LRRIQ1: variants seen among roughly 807,000 people sequenced by gnomAD.
LRRIQ1 encodes leucine rich repeats and IQ motif containing 1.
LRRIQ1 carries 210 observed loss-of-function variants against 211.9 expected under a neutral mutation model. The observed-to-expected ratio is 0.99, with a 90% CI of 0.89 to 1.11. The LOEUF is 1.11. LRRIQ1 is among the 50% of genes most tolerant of loss of function. LRRIQ1 has a pLI of 0.00. For missense variants in LRRIQ1, 2,136 were observed against 1,939.5 expected (o/e 1.10, Z -1.90); for synonymous variants, 699 against 650.1 (o/e 1.08, Z -1.14).
chr12:85,118,462 T>A (rs2136401218), intron 15 of LRRIQ1, among the ~76,000 whole-genome samples: 1 of 150,784 alleles, frequency 6.6e-6, no homozygotes, highest in South Asian at 2.1e-4. Flanking sequence ...GAGTGGGGGT[T>A]GGGAGCTATT....
rs577157342 is a variant in LRRIQ1 at position 85,219,231 on chromosome 12, T to A, written c.4823-10286T>A. 4.6e-5 allele frequency among the ~76,000 whole-genome samples: 7 copies of A among 152,206 alleles called. No individual in the cohort carries two copies. In the South Asian group the frequency reaches 1.4e-3, roughly 32 times the overall value. ...CACAGTAAAGATATTAGTGAGGAAA[T>A]ACAGCCCAGCTGAACAATATACATG... On this transcript the variant is annotated intron_variant, in intron 24 of 26. Coordinates refer to ENST00000393217, the MANE Select transcript of LRRIQ1 (RefSeq NM_001079910.2).
At position 85,098,499 on chromosome 12, in the gene LRRIQ1, A is replaced by T; in HGVS notation, c.3032A>T (p.Asn1011Ile). 6.2e-7 allele frequency: 1 copy of T among 1,611,410 alleles called. No homozygotes were observed. The highest frequency in any genetic ancestry group is 1.1e-5 in the South Asian group (1 of 90,818). The change falls in exon 12 of 27, where the codon AAT (asparagine) becomes ATT (isoleucine). Residue 1011 changes from asparagine (N) to isoleucine (I), a missense_variant. Transcript: ENST00000393217. Reference sequence around the variant, plus strand: ...CTTACTGATGTAGAGGGCGTTGAAAATTGTGGATTGCTCCAAATATTGAAG... The same window carrying T: ...CTTACTGATGTAGAGGGCGTTGAAATTTGTGGATTGCTCCAAATATTGAAG... ...NHLTDVEGVENCGLLQILKLQ... is the reference protein window; with the variant it reads ...NHLTDVEGVEICGLLQILKLQ...
At chr12:85,149,947 A>G (rs944355320) in intron 19 of LRRIQ1, among the ~76,000 whole-genome samples, 2 of 151,702 alleles carry the variant, frequency 1.3e-5, no homozygotes, top group African/African-American at 4.8e-5. Flanking sequence ...TTTTATCCAG[A>G]CTTTATGTAG....
intron 18 of LRRIQ1, among the ~76,000 whole-genome samples, chr12:85,135,875 A>G (rs964378028): frequency 2.6e-5 from 4 of 151,932 alleles, no homozygotes; most frequent in African/African-American, 9.7e-5. Flanking sequence ...TTTAATGGAA[A>G]TGACATATAG....
Position 85,154,086 on chromosome 12 carries a change from A to G in LRRIQ1, c.4712A>G (p.Lys1571Arg). 2 of 1,559,478 alleles carry G rather than the reference A, an allele frequency of 1.3e-6. No individual in the cohort carries two copies. The highest frequency in any genetic ancestry group is 1.9e-4 in the Middle Eastern group (1 of 5,204). ...AQKMKSKKLK[K>R]KIDSTVRLAL... is the part of the protein sequence containing the mutation. Reference sequence around the variant, plus strand: ...AAAATGAAATCGAAGAAACTAAAGAAAAAAATAGGTGAGTAATTAGTGCTC... The same window carrying G: ...AAAATGAAATCGAAGAAACTAAAGAGAAAAATAGGTGAGTAATTAGTGCTC... Residue 1571 changes from lysine to arginine, a missense_variant, in exon 23 of 27, where the codon AAA becomes AGA. Transcript: ENST00000393217.
At chr12:85,236,065 G>T (rs994813611) in intron 26 of LRRIQ1, among the ~76,000 whole-genome samples, 1 of 152,074 alleles carries the variant, frequency 6.6e-6, no homozygotes, top group Non-Finnish European at 1.5e-5. Context: ...TTACTAAATG[G>T]CATTGAAAAA....
chr12:85,039,714 G>T (rs1165433591), intron 2 of LRRIQ1, among the ~76,000 whole-genome samples: 1 of 151,504 alleles, frequency 6.6e-6, no homozygotes, highest in Non-Finnish European at 1.5e-5. Flanking sequence ...ATAAAAGCAG[G>T]TGCATATCAT....
chr12:85,153,580 GACA>G, intron 21 of LRRIQ1, 80 bp from the exon 22 acceptor site: 1 of 838,184 alleles, frequency 1.2e-6, no homozygotes, highest in Non-Finnish European at 1.8e-6. Context: ...CCAAGTTTGA[GACA>G]ACATAAACAG....
chr12:85,263,886 T>C (rs141555947), exon 2 of LRRIQ1: 201 of 152,152 alleles, frequency 1.3e-3, no homozygotes, highest in African/African-American at 4.3e-3. Context: ...CTTACTGTTG[T>C]GTGATTAATG....
intron 1 of LRRIQ1, among the ~76,000 whole-genome samples, chr12:85,251,709 A>G (rs1481699231): frequency 6.6e-6 from 1 of 151,786 alleles, no homozygotes; most frequent in Non-Finnish European, 1.5e-5. Flanking sequence ...TAGTTTGTCC[A>G]TTAAGAGAAC....
intron 18 of LRRIQ1, 40 bp downstream of exon 18, chr12:85,128,073 T>C: frequency 2.9e-6 from 4 of 1,365,306 alleles, no homozygotes; most frequent in South Asian, 2.4e-5. Flanking sequence ...ACAAAAGATA[T>C]ATTAGTTGTC....
chr12:85,075,272 C>T (rs1418297565), intron 11 of LRRIQ1, among the ~76,000 whole-genome samples: 3 of 151,988 alleles, frequency 2.0e-5, no homozygotes, highest in Non-Finnish European at 2.9e-5. Flanking sequence ...CATAGTGGGG[C>T]CCTGCCTCTA....
intron 15 of LRRIQ1, among the ~76,000 whole-genome samples, chr12:85,114,001 C>T (rs1169532832): frequency 6.6e-6 from 1 of 151,038 alleles, no homozygotes; most frequent in African/African-American, 2.4e-5. Flanking sequence ...ATAGGACCCC[C>T]TCATCTGGAA....
chr12:85,067,818 TG>T (rs1882606285), intron 10 of LRRIQ1, among the ~76,000 whole-genome samples: 1 of 151,748 alleles, frequency 6.6e-6, no homozygotes, highest in Non-Finnish European at 1.5e-5. Flanking sequence ...AAAGAGAAAA[TG>T]AAAAAAAAGA....
intron 19 of LRRIQ1, among the ~76,000 whole-genome samples, chr12:85,140,488 T>C (rs1265545947): frequency 6.6e-6 from 1 of 151,360 alleles, no homozygotes; most frequent in African/African-American, 2.4e-5. Flanking sequence ...TTTTAATAGA[T>C]TATCTGTCAA....
chr12:85,169,458 T>C (rs1219862106), intron 24 of LRRIQ1, among the ~76,000 whole-genome samples: 1 of 152,202 alleles, frequency 6.6e-6, no homozygotes, highest in Non-Finnish European at 1.5e-5. Context: ...TGTTGTCCTT[T>C]GAATAAAAGC....
intron 26 of LRRIQ1, among the ~76,000 whole-genome samples, chr12:85,240,032 A>C (rs1218108417): frequency 6.6e-6 from 1 of 152,150 alleles, no homozygotes; most frequent in Non-Finnish European, 1.5e-5. Flanking sequence ...TGAAGAAAAC[A>C]GTAAGATACA....
intron 18 of LRRIQ1, among the ~76,000 whole-genome samples, chr12:85,131,850 T>C (rs920032716): frequency 6.6e-6 from 1 of 152,118 alleles, no homozygotes; most frequent in African/African-American, 2.4e-5. Context: ...GAGTTAATCA[T>C]AGATAGATTA....
intron 24 of LRRIQ1, among the ~76,000 whole-genome samples, chr12:85,189,898 TTA>T (rs1477902160): frequency 3.5e-5 from 5 of 144,056 alleles, no homozygotes; most frequent in Non-Finnish European, 7.6e-5. Flanking sequence ...ATATCATATA[TTA>T]TATCTGTAAC....
Sources: gnomAD v4.1 joint callset for allele counts (sites outside exome capture counted in the v4.1 genomes callset) on GRCh38, gnomAD v4.1.1 for gene constraint, MANE v1.5 for transcripts, NCBI Gene and HGNC (gene_info 2026-07-23, HGNC 2026-07-21) for gene names.